The following SNTB1 variants were observed in gnomAD, a reference collection of about 807,000 sequenced individuals.
SNTB1 encodes beta-1-syntrophin.
In SNTB1, 36 loss-of-function variants were observed where a neutral mutation model predicts 48.9. That is an observed-to-expected ratio of 0.74 (90% CI 0.56 to 0.97). SNTB1 has a LOEUF of 0.97. SNTB1 is among the 50% of genes least tolerant of loss of function. The pLI is 0.00. For synonymous variants in SNTB1, 299 were observed against 294.6 expected, an observed-to-expected ratio of 1.01 and a Z score of -0.15; for missense variants, 786 against 703.4, an observed-to-expected ratio of 1.12 and a Z score of -1.33.
chr8:120,697,054 T>G (rs1364772218), intron 1 of SNTB1, among the ~76,000 whole-genome samples: 1 of 152,086 alleles, frequency 6.6e-6, no homozygotes. Flanking sequence ...GCCATAGGGG[T>G]TAATGTCAGA....
chr8:120,616,361 G>A (rs1816714164), intron 3 of SNTB1, among the ~76,000 whole-genome samples: 1 of 148,600 alleles, frequency 6.7e-6, no homozygotes, highest in African/African-American at 2.5e-5. Context: ...GTACAGTGGT[G>A]TGATCATAGC....
chr8:120,696,800 G>A (rs1818218202), intron 1 of SNTB1, among the ~76,000 whole-genome samples: 1 of 152,198 alleles, frequency 6.6e-6, no homozygotes, highest in Admixed American at 6.5e-5. Context: ...AGTAAGTGGT[G>A]TAGCTAGAAT....
At chr8:120,644,610 T>C (rs1023281678) in intron 2 of SNTB1, among the ~76,000 whole-genome samples, 19 of 152,100 alleles carry the variant, frequency 1.2e-4, no homozygotes, top group Non-Finnish European at 2.4e-4. Flanking sequence ...GTGAATAATG[T>C]CGCAATAAAC....
At chr8:120,707,259 C>A (rs955214319) in intron 1 of SNTB1, among the ~76,000 whole-genome samples, 1 of 152,134 alleles carries the variant, frequency 6.6e-6, no homozygotes, top group African/African-American at 2.4e-5. Flanking sequence ...TTTACCTCCT[C>A]CCCCAAACAT....
chr8:120,720,430 A>G (rs4304359), intron 1 of SNTB1, among the ~76,000 whole-genome samples: 19,621 of 152,234 alleles, frequency 0.13, 1,358 homozygotes, highest in East Asian at 0.21. Context: ...TCTTTTCCGT[A>G]TGCCTCAGAT....
chr8:120,684,026 T>C (rs1817984455), intron 2 of SNTB1, among the ~76,000 whole-genome samples: 1 of 152,190 alleles, frequency 6.6e-6, no homozygotes, highest in South Asian at 2.1e-4. Flanking sequence ...ATAAACAACA[T>C]ACATTTATTG....
At chr8:120,625,008 G>T (rs1816852447) in intron 3 of SNTB1, among the ~76,000 whole-genome samples, 1 of 152,176 alleles carries the variant, frequency 6.6e-6, no homozygotes, top group Non-Finnish European at 1.5e-5. Flanking sequence ...CAGACATGGG[G>T]CCTCTAGTGC....
chr8:120,810,630 C>T (rs768868858), intron 1 of SNTB1, among the ~76,000 whole-genome samples: 2 of 152,128 alleles, frequency 1.3e-5, no homozygotes, highest in Non-Finnish European at 2.9e-5. Context: ...GAATTTTTCC[C>T]AAAACTGCAA....
At chr8:120,554,998 A>AATCAATC (rs1554644532) in intron 4 of SNTB1, among the ~76,000 whole-genome samples, 9 of 151,612 alleles carry the variant, frequency 5.9e-5, no homozygotes, top group African/African-American at 2.2e-4. Flanking sequence ...ATCAATCAAT[A>AATCAATC]AAGATTTCTT....
At chr8:120,800,585 C>G (rs774186048) in intron 1 of SNTB1, among the ~76,000 whole-genome samples, 4 of 151,946 alleles carry the variant, frequency 2.6e-5, no homozygotes, top group Non-Finnish European at 5.9e-5. Context: ...CTAGATGGGA[C>G]CAGTCCAGAG....
chr8:120,617,619 G>A (rs879486161), intron 3 of SNTB1, among the ~76,000 whole-genome samples: 3 of 152,152 alleles, frequency 2.0e-5, no homozygotes, highest in Non-Finnish European at 2.9e-5. Flanking sequence ...AGGAACTTAC[G>A]GTATTGGGCT....
At chr8:120,787,925 C>A (rs1451563085) in intron 1 of SNTB1, among the ~76,000 whole-genome samples, 1 of 152,138 alleles carries the variant, frequency 6.6e-6, no homozygotes, top group African/African-American at 2.4e-5. Flanking sequence ...GACATATAGT[C>A]ATCAGGCTAT....
At chr8:120,754,179 C>A (rs754303640) in intron 1 of SNTB1, among the ~76,000 whole-genome samples, 11 of 152,102 alleles carry the variant, frequency 7.2e-5, no homozygotes, top group Non-Finnish European at 1.5e-4. Flanking sequence ...CACTCTCACT[C>A]AGGTCCTGAT....
chr8:120,626,228 G>T (rs563563823), intron 3 of SNTB1, among the ~76,000 whole-genome samples: 18 of 152,194 alleles, frequency 1.2e-4, no homozygotes, highest in Admixed American at 4.6e-4. Flanking sequence ...TATATAGAGA[G>T]AGAGAGATCA....
chr8:120,757,850 T>C (rs1587138098), intron 1 of SNTB1, among the ~76,000 whole-genome samples: 2 of 147,106 alleles, frequency 1.4e-5, no homozygotes, highest in East Asian at 3.9e-4. Flanking sequence ...TTTCTAATTG[T>C]GAAGCAGGGA....
intron 3 of SNTB1, among the ~76,000 whole-genome samples, chr8:120,592,232 A>T (rs1816251167): frequency 6.6e-6 from 1 of 152,072 alleles, no homozygotes; most frequent in Admixed American, 6.6e-5. Flanking sequence ...CCCAGGCTGG[A>T]GTGCAGTGTC....
intron 3 of SNTB1, among the ~76,000 whole-genome samples, chr8:120,602,572 C>G (rs929840800): frequency 3.3e-5 from 5 of 152,144 alleles, no homozygotes; most frequent in Non-Finnish European, 7.4e-5. Flanking sequence ...CTAGTCCACC[C>G]TGCAGATTTC....
chr8:120,575,352 A>G, intron 3 of SNTB1, 127 bp from the exon 4 acceptor site: 2 of 1,011,592 alleles, frequency 2.0e-6, no homozygotes, highest in Non-Finnish European at 3.0e-6. Flanking sequence ...TGCAAAATCA[A>G]AATGGAAAGA....
intron 3 of SNTB1, among the ~76,000 whole-genome samples, chr8:120,583,863 G>T (rs1056630572): frequency 6.6e-6 from 1 of 152,124 alleles, no homozygotes; most frequent in African/African-American, 2.4e-5. Context: ...AGCAAATTGA[G>T]TCTGAAATTA....
Sources: gnomAD v4.1 joint callset for allele counts (sites outside exome capture counted in the v4.1 genomes callset) on GRCh38, gnomAD v4.1.1 for gene constraint, MANE v1.5 for transcripts, NCBI Gene and HGNC (gene_info 2026-07-23, HGNC 2026-07-21) for gene names.